Variants in SPATS1 observed in about 807,000 individuals in gnomAD.
SPATS1 encodes the protein spermatogenesis associated serine rich 1.
Under a neutral mutation model 33.6 loss-of-function variants are expected in SPATS1, and 23 were observed. That is an observed-to-expected ratio of 0.68 (90% CI 0.49 to 0.97). SPATS1 has a LOEUF of 0.97. Among genes scored for constraint, SPATS1 ranks in the 50% least tolerant of loss-of-function variants. The pLI, the probability that SPATS1 is intolerant of heterozygous loss-of-function variation, is 0.00. For missense variants in SPATS1, 327 were observed against 361.0 expected, an observed-to-expected ratio of 0.91 and a Z score of 0.76; for synonymous variants, 131 against 125.6, an observed-to-expected ratio of 1.04 and a Z score of -0.29.
chr6:44,346,169 T>C (rs1221905256), intron 2 of SPATS1, among the ~76,000 whole-genome samples: 1 of 151,432 alleles, frequency 6.6e-6, no homozygotes, highest in Admixed American at 6.6e-5. Context: ...TGTGTGCCCA[T>C]GGTCCCAGCT....
chr6:44,343,210 A>G lies in SPATS1; in HGVS notation c.115A>G (p.Met39Val), dbSNP rs1469068408. The change falls in exon 2 of 9, where the codon ATG (methionine) becomes GTG (valine). Residue 39 changes from methionine to valine, a missense_variant. Transcript: ENST00000674044. ...EKVPEKRDSG[M>V]TEVERTYSAN... is the part of the protein sequence containing the mutation. ...GGTTCCAGAAAAAAGGGACTCTGGC[A>G]TGACCGAGGTGGAGAGGACCTACAG... The G allele has an allele frequency of 4.3e-6, 7 of 1,613,796 alleles. No homozygotes were observed. Among genetic ancestry groups the G allele is most frequent in the Non-Finnish European group, 5.9e-6 (7 of 1,179,850 alleles).
intron 2 of SPATS1, among the ~76,000 whole-genome samples, chr6:44,346,280 CAAAAA>C (rs3997539): frequency 6.9e-6 from 1 of 144,656 alleles, no homozygotes; most frequent in South Asian, 2.2e-4. Flanking sequence ...GACCCTGTCT[CAAAAA>C]AAAAAACAAA....
chr6:44,377,183 C>A lies in SPATS1; in HGVS notation c.*120C>A. On this transcript the variant is annotated 3_prime_UTR_variant, in exon 9 of 9. Coordinates refer to ENST00000674044, the MANE Select transcript of SPATS1 (RefSeq NM_001372081.1). ...TTGACCCTTATGAGGAAGTGTTGTG[C>A]TTTGCTTTTTTAAAACTTTATATTT... is the stretch of plus-strand genomic sequence containing the variant. 7.7e-7 allele frequency: 1 copy of A among 1,298,298 alleles called. No homozygotes were observed. The highest frequency in any genetic ancestry group is 1.1e-6 in the Non-Finnish European group (1 of 919,608). The allele number at this position is 1,298,298 out of a possible 1,614,324, so 80.4% of individuals were successfully genotyped here.
chr6:44,348,804 GCCTGGCCAA>G (rs1561954270), intron 2 of SPATS1, among the ~76,000 whole-genome samples: 7 of 152,110 alleles, frequency 4.6e-5, no homozygotes, highest in East Asian at 1.9e-4. Flanking sequence ...TAAGAGACCA[GCCTGGCCAA>G]TATGTTGAAA....
chr6:44,352,761 T>A lies in SPATS1; in HGVS notation c.175T>A (p.Cys59Ser). The A allele has an allele frequency of 6.2e-7, 1 of 1,614,180 alleles. No homozygotes were observed. Among genetic ancestry groups the A allele is most frequent in the South Asian group, 1.1e-5 (1 of 91,086 alleles). ...CAGTGATTTTCTGGAATCTAAGGGA[T>A]GTTTTGCCAACACAACACCCTCTGG... ...NCSDFLESKG[C>S]FANTTPSGKS... is the part of the protein sequence containing the mutation. The change falls in exon 3 of 9, where the codon TGT becomes AGT. Residue 59 changes from cysteine (C) to serine (S), a missense_variant. Coordinates refer to ENST00000674044, the MANE Select transcript of SPATS1 (RefSeq NM_001372081.1).
chr6:44,350,521 A>C (rs1731999654), intron 2 of SPATS1, among the ~76,000 whole-genome samples: 1 of 152,228 alleles, frequency 6.6e-6, no homozygotes, highest in South Asian at 2.1e-4. Context: ...GCCTTGCGCC[A>C]TGTCCTGAGA....
chr6:44,375,683 G>A (rs1789891453), intron 7 of SPATS1, among the ~76,000 whole-genome samples: 1 of 152,154 alleles, frequency 6.6e-6, no homozygotes, highest in South Asian at 2.1e-4. Flanking sequence ...GGTGTCATGT[G>A]CCTGTAGTCC....
chr6:44,368,461 C>A lies in SPATS1; in HGVS notation c.657C>A (p.His219Gln), dbSNP rs184407816. ...ACCCAGAACAGAGTAAAGGCTTCCACAAAGCAGGATCAATGCTCCCACCAG... is the reference window on the plus strand; with the variant it reads ...ACCCAGAACAGAGTAAAGGCTTCCAAAAAGCAGGATCAATGCTCCCACCAG... ...YMYPEQSKGF[H>Q]KAGSMLPPVN... Residue 219 changes from histidine (H) to glutamine (Q), a missense_variant, in exon 6 of 9, where the codon CAC becomes CAA. His to Gln is a conservative substitution (Grantham distance 24). Coordinates refer to ENST00000674044, the MANE Select transcript of SPATS1 (RefSeq NM_001372081.1). The A allele has an allele frequency of 8.3e-5, 134 of 1,613,238 alleles. No homozygotes were observed. The African/African-American group carries it at 1.6e-3, about 20-fold the overall frequency.
chr6:44,375,414 C>A (rs550763059), intron 7 of SPATS1, among the ~76,000 whole-genome samples: 1 of 152,088 alleles, frequency 6.6e-6, no homozygotes, highest in Non-Finnish European at 1.5e-5. Flanking sequence ...AATTGGGGTG[C>A]CTTGGGAGAT....
chr6:44,369,328 T>G (rs1212829392), intron 6 of SPATS1, among the ~76,000 whole-genome samples: 1 of 150,364 alleles, frequency 6.7e-6, no homozygotes, highest in Non-Finnish European at 1.5e-5. Flanking sequence ...GTGGGGTGGA[T>G]CGCCTGAGGT....
In SPATS1 at chr6:44,355,594, G is replaced by A. The variant is rs368297662; in HGVS notation, c.287+2721G>A. On this transcript the variant is annotated intron_variant, in intron 3 of 8. Transcript: ENST00000674044. ...GCTATTGTAAATAGTGCTGTAATGCGTGTCCCTGTACATTCAGCTTTTGCC... is the reference window on the plus strand; with the variant it reads ...GCTATTGTAAATAGTGCTGTAATGCATGTCCCTGTACATTCAGCTTTTGCC... Among the ~76,000 whole-genome samples the A allele has an allele frequency of 1.6e-4, 25 of 152,318 alleles. No homozygotes were observed. In the South Asian group the frequency reaches 2.1e-3, roughly 13 times the overall value.
At position 44,343,208 on chromosome 6, in the gene SPATS1, G is replaced by C. The variant is rs1471459061; in HGVS notation, c.113G>C (p.Gly38Ala). ...LEKVPEKRDS[G>A]MTEVERTYSA... is the part of the protein sequence containing the mutation. ...AAGGTTCCAGAAAAAAGGGACTCTG[G>C]CATGACCGAGGTGGAGAGGACCTAC... Residue 38 changes from glycine (G) to alanine (A), a missense_variant, in exon 2 of 9, where the codon GGC becomes GCC. By Grantham distance (60) the Gly-to-Ala change is moderately conservative. Transcript: ENST00000674044. The C allele has an allele frequency of 6.2e-7, 1 of 1,613,842 alleles. No individual in the cohort carries two copies. The highest frequency in any genetic ancestry group is 1.3e-5 in the African/African-American group (1 of 74,838).
chr6:44,348,569 G>C (rs879691138), intron 2 of SPATS1, among the ~76,000 whole-genome samples: 2 of 152,088 alleles, frequency 1.3e-5, no homozygotes, highest in East Asian at 1.9e-4. Context: ...TTGAAGTAGG[G>C]ACTGGATGTT....
chr6:44,359,039 C>T (rs1403628628), intron 3 of SPATS1, among the ~76,000 whole-genome samples: 2 of 151,812 alleles, frequency 1.3e-5, no homozygotes, highest in Non-Finnish European at 2.9e-5. Flanking sequence ...GCCTCCACTT[C>T]CTGGAGGCTG....
chr6:44,365,024 G>T (rs1487081053), intron 5 of SPATS1, among the ~76,000 whole-genome samples: 1 of 152,006 alleles, frequency 6.6e-6, no homozygotes, highest in Non-Finnish European at 1.5e-5. Context: ...CCTGACCTCA[G>T]ATGATCCACC....
chr6:44,353,426 C>CCCAGG (rs1241920830), intron 3 of SPATS1, among the ~76,000 whole-genome samples: 3 of 152,240 alleles, frequency 2.0e-5, no homozygotes, highest in Admixed American at 2.0e-4. Context: ...CTCTCTGTCA[C>CCCAGG]CCAGGCTGGA....
rs760859557 is a variant in SPATS1, at chr6:44,368,431, T to C, written c.627T>C (p.Tyr209=). 13 of 1,613,706 alleles carry C rather than the reference T, an allele frequency of 8.1e-6. No homozygotes were observed. Among genetic ancestry groups the C allele is most frequent in the Middle Eastern group, 3.3e-4 (2 of 6,080 alleles). ...AGTTAACTCCAGGCGACAATCCATA[T>C]ATGTACCCAGAACAGAGTAAAGGCT... is the stretch of plus-strand genomic sequence containing the variant. ...IPKLTPGDNP[Y]MYPEQSKGFH... is the part of the protein sequence containing the mutation. Residue 209 remains tyrosine (Y), a synonymous_variant, in exon 6 of 9, where the codon TAT becomes TAC. Coordinates refer to ENST00000674044, the MANE Select transcript of SPATS1 (RefSeq NM_001372081.1).
chr6:44,343,197 A>C lies in SPATS1; in HGVS notation c.102A>C (p.Lys34Asn), dbSNP rs1238908843. The C allele has an allele frequency of 6.2e-7, 1 of 1,613,960 alleles. No individual in the cohort carries two copies. The highest frequency in any genetic ancestry group is 8.5e-7 in the Non-Finnish European group (1 of 1,179,970). ...CGRQLEKVPE[K>N]RDSGMTEVER... Reference sequence around the variant, plus strand: ...GACAGCTGGAGAAGGTTCCAGAAAAAAGGGACTCTGGCATGACCGAGGTGG... The same window carrying C: ...GACAGCTGGAGAAGGTTCCAGAAAACAGGGACTCTGGCATGACCGAGGTGG... The change falls in exon 2 of 9, where the codon AAA becomes AAC. Residue 34 changes from lysine to asparagine, a missense_variant. By Grantham distance (94) the Lys-to-Asn change is moderately conservative. Transcript: ENST00000674044.
At chr6:44,369,522 C>T (rs1234572315) in intron 6 of SPATS1, among the ~76,000 whole-genome samples, 3 of 151,308 alleles carry the variant, frequency 2.0e-5, no homozygotes, top group Non-Finnish European at 4.4e-5. Flanking sequence ...CACACTCTAG[C>T]CTGGGCGACA....
Sources: allele counts gnomAD v4.1 joint callset (sites outside exome capture counted in the v4.1 genomes callset), GRCh38; gene constraint gnomAD v4.1.1; transcripts MANE v1.5; gene names NCBI Gene and HGNC (gene_info 2026-07-23, HGNC 2026-07-21).